ZNF662: variants seen among roughly 807,000 people sequenced by gnomAD.
The protein encoded by ZNF662 is zinc finger protein 662.
ZNF662 carries 14 observed loss-of-function variants against 12.4 expected under a neutral mutation model. The observed-to-expected ratio is 1.13, with a 90% confidence interval of 0.75 to 1.77. The LOEUF is 1.77. ZNF662 is among the 40% of genes most tolerant of loss of function. ZNF662 has a pLI of 0.00. For synonymous variants in ZNF662, 184 were observed against 176.4 expected, an observed-to-expected ratio of 1.04 and a Z score of -0.34; for missense variants, 550 against 515.6, an observed-to-expected ratio of 1.07 and a Z score of -0.65.
Position 42,913,296 on chromosome 3 carries a change from T to C in ZNF662, c.247T>C (p.Cys83Arg). ...KLQGEGPSLI[C>R]PEGVLKRKKE... ...GCAAGGAGAGGGTCCAAGCCTGATT[T>C]GTCCGGGTAAGTGAGAGGGAAATGA... is the stretch of plus-strand genomic sequence containing the variant. The change falls in exon 4 of 5, where the codon TGT becomes CGT. Residue 83 changes from cysteine (C) to arginine (R), a missense_variant. By Grantham distance (180) the Cys-to-Arg change is radical. Coordinates refer to ENST00000440367, the MANE Select transcript of ZNF662 (RefSeq NM_207404.4). 1 of 1,613,000 alleles carries C rather than the reference T, an allele frequency of 6.2e-7. No individual in the cohort carries two copies. Among genetic ancestry groups the C allele is most frequent in the Non-Finnish European group, 8.5e-7 (1 of 1,179,028 alleles).
intron 3 of ZNF662, among the ~76,000 whole-genome samples, chr3:42,909,136 G>A (rs1471158553): frequency 6.6e-6 from 1 of 152,148 alleles, no homozygotes; most frequent in Non-Finnish European, 1.5e-5. Context: ...AGGGTCATAG[G>A]ACAATAGTGG....
Position 42,908,926 on chromosome 3 carries a change from G to A in ZNF662, c.151+17G>A, listed in dbSNP as rs768224013. The A allele has an allele frequency of 7.6e-5, 120 of 1,569,334 alleles. No individual in the cohort carries two copies. The highest frequency in any genetic ancestry group is 1.0e-4 in the Non-Finnish European group (117 of 1,142,896). ...TCTCCTCAGGTGAGTGAGGGCACAC[G>A]TGCCGGTCATCTGACCAGTTTTCTT... On this transcript the variant is annotated intron_variant, in intron 3 of 4. Transcript: ENST00000440367.
intron 3 of ZNF662, among the ~76,000 whole-genome samples, chr3:42,912,462 TA>T (rs1419425835): frequency 2.4e-5 from 2 of 81,756 alleles, no homozygotes; most frequent in African/African-American, 9.6e-5. Flanking sequence ...TATTATATGT[TA>T]TAATATATAT....
intron 3 of ZNF662, among the ~76,000 whole-genome samples, chr3:42,912,370 GAT>G (rs1413760618): frequency 1.1e-5 from 1 of 88,728 alleles, no homozygotes; most frequent in Non-Finnish European, 2.0e-5. Context: ...TATTATATAT[GAT>G]ATATTAAATA....
intron 3 of ZNF662, among the ~76,000 whole-genome samples, chr3:42,912,669 T>A (rs1451729217): frequency 3.3e-4 from 18 of 54,246 alleles, no homozygotes; most frequent in Non-Finnish European, 5.5e-4. Context: ...TATATATATT[T>A]TTTATATATA....
chr3:42,912,389 ATATATATT>A (rs1380878095), intron 3 of ZNF662, among the ~76,000 whole-genome samples: 2 of 99,246 alleles, frequency 2.0e-5, no homozygotes, highest in East Asian at 2.8e-4. Flanking sequence ...AATATATATA[ATATATATT>A]TATATATTAT....
chr3:42,912,396 TTTATATA>T (rs1168620459), intron 3 of ZNF662, among the ~76,000 whole-genome samples: 9 of 98,882 alleles, frequency 9.1e-5, no homozygotes, highest in Admixed American at 1.7e-4. Context: ...ATAATATATA[TTTATATA>T]TTATATATTA....
At chr3:42,908,377 C>A (rs1361948280) in intron 2 of ZNF662, 1 of 1,335,564 alleles carries the variant, frequency 7.5e-7, no homozygotes, top group Non-Finnish European at 9.6e-7. Context: ...AAACCCCTAC[C>A]CTTGTGTTGT....
Position 42,915,020 on chromosome 3 carries a change from AC to A in ZNF662, c.950del (p.Pro317GlnfsTer87). The stretch of plus-strand genomic sequence containing the variant: ...GAATGTGGGAAAAGCTTTACTCGAA[AC>A]CCAGCCCTTCTTCGACATCAGAGAA... ...CKECGKSFTR[N>X]PALLRHQRMH... On this transcript the variant is annotated frameshift_variant, in exon 5 of 5. Coordinates refer to ENST00000440367, the MANE Select transcript of ZNF662 (RefSeq NM_207404.4). LOFTEE classifies it low-confidence loss of function (END_TRUNC). 1 of 1,614,120 alleles carries A rather than the reference AC, an allele frequency of 6.2e-7. No individual in the cohort carries two copies. The highest frequency in any genetic ancestry group is 8.5e-7 in the Non-Finnish European group (1 of 1,180,032).
chr3:42,908,244 C>G lies in ZNF662; in HGVS notation c.34+96C>G, dbSNP rs558154926. ...CAGGAGTTGTTGATAACCCTCAGCT[C>G]AATGGCAGCTTCAGGCTCTTGGATT... On this transcript the variant is annotated intron_variant, in intron 2 of 4. Transcript: ENST00000440367. 1.1e-5 allele frequency: 16 copies of G among 1,498,192 alleles called. No homozygotes were observed. In the African/African-American group the frequency reaches 1.8e-4, roughly 17 times the overall value. 92.8% of individuals were successfully genotyped at this position (1,498,192 alleles called of 1,614,324 possible).
In ZNF662 at chr3:42,908,171, C is replaced by T. The variant is rs368964208; in HGVS notation, c.34+23C>T. The T allele has an allele frequency of 1.4e-4, 223 of 1,600,264 alleles. 1 individual carries two copies. In the African/African-American group the frequency reaches 2.8e-3, roughly 20 times the overall value. The stretch of plus-strand genomic sequence containing the variant: ...TGGGTAAGGGTCTCTCCCTTTGGGC[C>T]CTGCCTCCACCCTTGAGAGTTTGCT... On this transcript the variant is annotated intron_variant, in intron 2 of 4. Coordinates refer to ENST00000440367, the MANE Select transcript of ZNF662 (RefSeq NM_207404.4).
intron 3 of ZNF662, among the ~76,000 whole-genome samples, chr3:42,912,671 T>TTA (rs1353980486): frequency 3.0e-4 from 14 of 46,072 alleles, no homozygotes; most frequent in Admixed American, 4.7e-4. Flanking sequence ...TATATATTTT[T>TTA]TATATATATA....
Position 42,914,350 on chromosome 3 carries a change from G to T in ZNF662, c.277G>T (p.Glu93Ter). The T allele has an allele frequency of 6.3e-7, 1 of 1,584,172 alleles. No individual in the cohort carries two copies. The highest frequency in any genetic ancestry group is 8.6e-7 in the Non-Finnish European group (1 of 1,159,630). ...CPEGVLKRKK[E>*]DFILKEEIIE... ...AGAGGGTGTGTTGAAGAGGAAGAAA[G>T]AAGATTTTATTCTGAAGGAGGAAAT... The change falls in exon 5 of 5, where the codon GAA (glutamate) becomes TAA (stop). Residue 93 changes from glutamate (E) to a stop codon, truncating the protein, a stop_gained. Coordinates refer to ENST00000440367, the MANE Select transcript of ZNF662 (RefSeq NM_207404.4). LOFTEE classifies it low-confidence loss of function (END_TRUNC).
intron 1 of ZNF662, chr3:42,907,458 G>A (rs573330845): frequency 6.2e-4 from 96 of 154,376 alleles, no homozygotes; most frequent in Non-Finnish European, 1.1e-3. Context: ...AGCAGGGATG[G>A]CAGGAATGGG....
rs1298118639 is a variant in ZNF662, at chr3:42,906,541, C to T, written c.-94+373C>T. 3.7e-6 allele frequency: 4 copies of T among 1,072,922 alleles called. No homozygotes were observed. The African/African-American group carries it at 5.1e-5, about 14-fold the overall frequency. The allele number at this position is 1,072,922 out of a possible 1,614,324, so 66.5% of individuals were successfully genotyped here. A position where few individuals can be genotyped will look rare whatever the true frequency, so the allele number is the denominator to read the frequency against. On this transcript the variant is annotated intron_variant, in intron 1 of 4. Transcript: ENST00000440367. This position sits in a 1 kb window ranked among gnomAD's most constrained non-coding sequence, Gnocchi z 4.4. ...GCGGCTGGGAAATGGGGGTACAACC[C>T]AGAGTGAGGGGCCTCGAGGGACAGG...
rs977628460 is a variant in ZNF662 at position 42,918,319 on chromosome 3, A to T, written c.*2965A>T. Among the ~76,000 whole-genome samples the T allele has an allele frequency of 6.6e-6, 1 of 151,840 alleles. No individual in the cohort carries two copies. Among genetic ancestry groups the T allele is most frequent in the African/African-American group, 2.4e-5 (1 of 41,308 alleles). ...CAGAATTTATTAAGTGAAAAGGAAAACTCTCAACAAAAAGAGGGGTCCTGC... is the reference window on the plus strand; with the variant it reads ...CAGAATTTATTAAGTGAAAAGGAAATCTCTCAACAAAAAGAGGGGTCCTGC... On this transcript the variant is annotated 3_prime_UTR_variant, in exon 5 of 5. Transcript: ENST00000440367.
Position 42,906,410 on chromosome 3 carries a change from C to T in ZNF662, c.-94+242C>T, listed in dbSNP as rs1328085108. Reference sequence around the variant, plus strand: ...CTCGGCCTTGTCCTCGAGCTGCTCCCGGGACAGCCCGCGCTGCCCCGGGCG... The same window carrying T: ...CTCGGCCTTGTCCTCGAGCTGCTCCTGGGACAGCCCGCGCTGCCCCGGGCG... On this transcript the variant is annotated intron_variant, in intron 1 of 4. Coordinates refer to ENST00000440367, the MANE Select transcript of ZNF662 (RefSeq NM_207404.4). This position sits in a 1 kb window ranked among gnomAD's most constrained non-coding sequence, Gnocchi z 4.4. 4.0e-6 allele frequency: 6 copies of T among 1,498,382 alleles called. No individual in the cohort carries two copies. Among genetic ancestry groups the T allele is most frequent in the Admixed American group, 4.3e-5 (2 of 46,750 alleles). 92.8% of individuals were successfully genotyped at this position (1,498,382 alleles called of 1,614,324 possible).
chr3:42,915,614 A>G lies in ZNF662; in HGVS notation c.*260A>G, dbSNP rs1181159659. 8.2e-6 allele frequency: 3 copies of G among 365,056 alleles called. No individual in the cohort carries two copies. The highest frequency in any genetic ancestry group is 6.1e-5 in the African/African-American group (3 of 48,782). 22.6% of individuals were successfully genotyped at this position (365,056 alleles called of 1,614,324 possible). A position where few individuals can be genotyped will look rare whatever the true frequency, so the allele number is the denominator to read the frequency against. On this transcript the variant is annotated 3_prime_UTR_variant, in exon 5 of 5. Coordinates refer to ENST00000440367, the MANE Select transcript of ZNF662 (RefSeq NM_207404.4). ...ATACATTAATTTGCATAACAATCCTATTAAGGTAGGTGCTCTTCTCCCCAT... is the reference window on the plus strand; with the variant it reads ...ATACATTAATTTGCATAACAATCCTGTTAAGGTAGGTGCTCTTCTCCCCAT...
At position 42,915,362 on chromosome 3, in the gene ZNF662, A is replaced by C. The variant is rs765591929; in HGVS notation, c.*8A>C. On this transcript the variant is annotated 3_prime_UTR_variant, in exon 5 of 5. Coordinates refer to ENST00000440367, the MANE Select transcript of ZNF662 (RefSeq NM_207404.4). ...CACCTTCTTGAACATTAGAGAGTGCATAATGGTGATACTTGTTTATAATTC... is the reference window on the plus strand; with the variant it reads ...CACCTTCTTGAACATTAGAGAGTGCCTAATGGTGATACTTGTTTATAATTC... 3 of 1,534,846 alleles carry C rather than the reference A, an allele frequency of 2.0e-6. No homozygotes were observed. Among genetic ancestry groups the C allele is most frequent in the Non-Finnish European group, 8.7e-7 (1 of 1,145,214 alleles).
Sources: gnomAD v4.1 joint callset for allele counts (sites outside exome capture counted in the v4.1 genomes callset) on GRCh38, gnomAD v4.1.1 for gene constraint, Gnocchi (gnomAD v3.1) non-coding constraint, MANE v1.5 for transcripts, NCBI Gene and HGNC (gene_info 2026-07-23, HGNC 2026-07-21) for gene names.